Variants in THEMIS observed in about 807,000 individuals in gnomAD.
THEMIS encodes the protein protein THEMIS.
THEMIS carries 37 observed loss-of-function variants against 52.6 expected under a neutral mutation model. The ratio of observed to expected loss-of-function variants is 0.70; its 90% CI spans 0.54 to 0.93. The LOEUF is 0.93. Ranked by LOEUF, THEMIS falls within the 40% of genes least tolerant of loss-of-function variation. The pLI is 0.00. For missense variants in THEMIS, 808 were observed against 763.1 expected, an observed-to-expected ratio of 1.06 and a Z score of -0.69; for synonymous variants, 292 against 272.7, an observed-to-expected ratio of 1.07 and a Z score of -0.70.
chr6:127,742,983 C>T (rs1199569022), intron 4 of THEMIS, among the ~76,000 whole-genome samples: 1 of 151,890 alleles, frequency 6.6e-6, no homozygotes, highest in African/African-American at 2.4e-5. Context: ...AATATTCCTT[C>T]TTGGATTTTG....
At chr6:127,763,414 C>T (rs1319955761) in intron 4 of THEMIS, among the ~76,000 whole-genome samples, 1 of 151,978 alleles carries the variant, frequency 6.6e-6, no homozygotes, top group East Asian at 1.9e-4. Flanking sequence ...ATTTTGAATA[C>T]TCCAAAGAAT....
intron 4 of THEMIS, among the ~76,000 whole-genome samples, chr6:127,739,137 C>T (rs371165958): frequency 1.3e-5 from 2 of 152,094 alleles, no homozygotes; most frequent in African/African-American, 4.8e-5. Flanking sequence ...CACAGTCCAC[C>T]CACCACTCCA....
At chr6:127,816,451 G>A (rs935034579) in intron 3 of THEMIS, among the ~76,000 whole-genome samples, 4 of 152,126 alleles carry the variant, frequency 2.6e-5, no homozygotes, top group African/African-American at 9.7e-5. Context: ...TGCTTAAACT[G>A]AAATCTAATC....
intron 5 of THEMIS, among the ~76,000 whole-genome samples, chr6:127,715,174 G>A (rs1774114161): frequency 6.6e-6 from 1 of 151,842 alleles, no homozygotes; most frequent in Non-Finnish European, 1.5e-5. Context: ...TAGGGTGTCA[G>A]TATTTCCAAA....
chr6:127,888,841 T>A (rs553787645), intron 1 of THEMIS, among the ~76,000 whole-genome samples: 1 of 152,232 alleles, frequency 6.6e-6, no homozygotes, highest in Admixed American at 6.6e-5. Flanking sequence ...CACTTTCTTA[T>A]GAACATGTGG....
Position 127,812,909 on chromosome 6 carries a change from T to C in THEMIS, c.1732A>G (p.Thr578Ala), listed in dbSNP as rs576573692. ...TTGGGAGACTTGGGCAGGTCTACCG[T>C]CCTTTCTTCTGCTAAGGTTAGCAGG... Reference protein sequence around the residue: ...LTLLTLAEERTVDLPKSPKRH... With the variant: ...LTLLTLAEERAVDLPKSPKRH... Residue 578 changes from threonine (T) to alanine (A), a missense_variant, in exon 4 of 6, where the codon ACG becomes GCG. By Grantham distance (58) the Thr-to-Ala change is moderately conservative. Coordinates refer to ENST00000368248, the MANE Select transcript of THEMIS (RefSeq NM_001010923.3). The C allele has an allele frequency of 3.2e-5, 51 of 1,610,576 alleles. No homozygotes were observed. In the South Asian group the frequency reaches 4.4e-4, roughly 14 times the overall value.
chr6:127,769,751 G>A (rs997370488), intron 4 of THEMIS, among the ~76,000 whole-genome samples: 1 of 152,170 alleles, frequency 6.6e-6, no homozygotes, highest in Non-Finnish European at 1.5e-5. Context: ...TTTGCATTAG[G>A]TATTTCTCCT....
At chr6:127,719,901 G>A (rs1774306770) in intron 4 of THEMIS, 78 bp from the exon 5 acceptor site, 13 of 1,533,098 alleles carry the variant, frequency 8.5e-6, no homozygotes, top group South Asian at 6.1e-5. Context: ...TTATCACATG[G>A]CAATTCATTT....
intron 4 of THEMIS, among the ~76,000 whole-genome samples, chr6:127,744,472 C>T (rs1374627429): frequency 1.3e-5 from 2 of 151,934 alleles, no homozygotes; most frequent in Non-Finnish European, 2.9e-5. Flanking sequence ...GGGATATATT[C>T]ATACAATGAA....
chr6:127,847,884 T>C (rs1779272703), intron 2 of THEMIS, among the ~76,000 whole-genome samples: 1 of 137,410 alleles, frequency 7.3e-6, no homozygotes. Context: ...CGTTACTCAA[T>C]TTCAAATTAT....
intron 4 of THEMIS, among the ~76,000 whole-genome samples, chr6:127,779,556 C>G (rs1776676658): frequency 6.6e-6 from 1 of 152,220 alleles, no homozygotes; most frequent in Non-Finnish European, 1.5e-5. Flanking sequence ...GAAAAATATA[C>G]TATATTGCAC....
At chr6:127,795,187 T>G (rs1320766211) in intron 4 of THEMIS, among the ~76,000 whole-genome samples, 2 of 152,220 alleles carry the variant, frequency 1.3e-5, no homozygotes. Context: ...AACATACACA[T>G]GGCTTTCATG....
chr6:127,880,292 T>A (rs1780442170), intron 1 of THEMIS, among the ~76,000 whole-genome samples: 1 of 152,264 alleles, frequency 6.6e-6, no homozygotes, highest in Admixed American at 6.5e-5. Flanking sequence ...AGCCTGTATC[T>A]CATCTAAGAT....
chr6:127,739,834 C>T (rs1346863376), intron 4 of THEMIS, among the ~76,000 whole-genome samples: 11 of 151,588 alleles, frequency 7.3e-5, no homozygotes, highest in Admixed American at 7.2e-4. Context: ...CAATTTGCTA[C>T]TTTTCTGATA....
intron 4 of THEMIS, among the ~76,000 whole-genome samples, chr6:127,800,876 C>A (rs557571904): frequency 1.3e-5 from 2 of 152,266 alleles, no homozygotes; most frequent in East Asian, 1.9e-4. Context: ...ATTGTGGGAC[C>A]TATATTCCAT....
In THEMIS at chr6:127,865,688, T is replaced by C. The variant is rs566659395; in HGVS notation, c.92-10500A>G. ...ATAAAATGATTTTTTCCAGTAGATA[T>C]GTAATTGATCTATGCCTTGTAGAAA... On this transcript the variant is annotated intron_variant, in intron 1 of 5. Coordinates refer to ENST00000368248, the MANE Select transcript of THEMIS (RefSeq NM_001010923.3). 3.3e-5 allele frequency among the ~76,000 whole-genome samples: 5 copies of C among 152,268 alleles called. No homozygotes were observed. In the South Asian group the frequency reaches 6.2e-4, roughly 19 times the overall value.
At chr6:127,857,434 T>C (rs1294105440) in intron 1 of THEMIS, among the ~76,000 whole-genome samples, 1 of 151,984 alleles carries the variant, frequency 6.6e-6, no homozygotes, top group East Asian at 1.9e-4. Context: ...TACTTTGTTA[T>C]GTCTAAAATG....
chr6:127,807,495 T>C (rs1777758711), intron 4 of THEMIS, among the ~76,000 whole-genome samples: 1 of 152,234 alleles, frequency 6.6e-6, no homozygotes, highest in South Asian at 2.1e-4. Flanking sequence ...CCTTTATTTC[T>C]CTTATTTTCA....
At chr6:127,719,587 T>C (rs922018405) in intron 5 of THEMIS, 101 bp downstream of exon 5, 7 of 1,135,684 alleles carry the variant, frequency 6.2e-6, no homozygotes, top group Non-Finnish European at 8.6e-6. Context: ...GGCTGAGTCA[T>C]ATATTCCAAA....
Sources: gnomAD v4.1 joint callset for allele counts (sites outside exome capture counted in the v4.1 genomes callset) on GRCh38, gnomAD v4.1.1 for gene constraint, MANE v1.5 for transcripts, NCBI Gene and HGNC (gene_info 2026-07-23, HGNC 2026-07-21) for gene names.